The following NSD3 variants were observed in gnomAD, a reference collection of about 807,000 sequenced individuals.
NSD3 encodes histone-lysine N-methyltransferase NSD3.
A neutral mutation model predicts 160.8 loss-of-function variants in NSD3; 24 were observed. The ratio of observed to expected loss-of-function variants is 0.15; its 90% CI spans 0.11 to 0.21. NSD3 has a LOEUF of 0.21. Ranked by LOEUF, NSD3 falls within the 10% of genes least tolerant of loss-of-function variation. The probability of loss-of-function intolerance (pLI) is 1.00; values close to 1 mark genes in which losing one functional copy is unlikely to be tolerated. For missense variants in NSD3, 1,157 were observed against 1,735.9 expected (o/e 0.67, Z 5.93); for synonymous variants, 520 against 600.0 (o/e 0.87, Z 1.95).
At chr8:38,315,886 T>C (rs1339076549) in intron 10 of NSD3, 26 bp downstream of exon 10, 11 of 1,596,580 alleles carry the variant, frequency 6.9e-6, no homozygotes, top group Non-Finnish European at 7.7e-6. Context: ...AAAGAACACT[T>C]TGTCCAGACC....
intron 21 of NSD3, 139 bp from the exon 22 acceptor site, chr8:38,278,551 A>AT (rs1217238425): frequency 1.6e-6 from 1 of 639,344 alleles, no homozygotes; most frequent in Non-Finnish European, 2.6e-6. Context: ...TACCTCATTG[A>AT]TAACAGTGAT....
chr8:38,365,798 A>G (rs1188692245), intron 1 of NSD3, among the ~76,000 whole-genome samples: 3 of 152,074 alleles, frequency 2.0e-5, no homozygotes, highest in Non-Finnish European at 4.4e-5. Context: ...AGTCATATAG[A>G]GAGGCTGGAA....
Position 38,304,701 on chromosome 8 carries a change from T to C in NSD3, c.2497A>G (p.Ile833Val), listed in dbSNP as rs1809353856. ...GATACTAACATGCTTCCGGCCGCAA[T>C]GCAAGCATCTCCAGAGTGATAGGCA... ...PVAYHSGDAC[I>V]AAGSMLVSSY... Residue 833 changes from isoleucine (I) to valine (V), a missense_variant, in exon 14 of 24, where the codon ATT becomes GTT. Around this residue, in one of 10 missense-constraint regions of NSD3, gnomAD observed 437 missense variants for 576.6 expected, o/e 0.76. Coordinates refer to ENST00000317025, the MANE Select transcript of NSD3 (RefSeq NM_023034.2). 3 of 1,614,068 alleles carry C rather than the reference T, an allele frequency of 1.9e-6. No individual in the cohort carries two copies. Among genetic ancestry groups the C allele is most frequent in the Non-Finnish European group, 1.7e-6 (2 of 1,180,004 alleles).
At chr8:38,366,418 C>CTTTTTTTTT (rs374656504) in intron 1 of NSD3, among the ~76,000 whole-genome samples, 1,884 of 131,950 alleles carry the variant, frequency 0.014, 70 homozygotes, top group African/African-American at 0.035. Flanking sequence ...CTACTTAATT[C>CTTTTTTTTT]TTTTTTTTTT....
chr8:38,312,606 C>T (rs570809698), intron 12 of NSD3, among the ~76,000 whole-genome samples: 162 of 152,212 alleles, frequency 1.1e-3, no homozygotes, highest in Non-Finnish European at 2.0e-3. Flanking sequence ...TTGGTGCTGT[C>T]TTTGCGACAG....
chr8:38,287,302 G>A (rs1265583747), intron 19 of NSD3, among the ~76,000 whole-genome samples: 1 of 152,046 alleles, frequency 6.6e-6, no homozygotes, highest in Non-Finnish European at 1.5e-5. Context: ...GGTTAAATAT[G>A]GTACATTTTA....
intron 3 of NSD3, among the ~76,000 whole-genome samples, chr8:38,338,268 C>A (rs1810272586): frequency 6.6e-6 from 1 of 150,672 alleles, no homozygotes; most frequent in African/African-American, 2.5e-5. Context: ...CCACTGCACT[C>A]CAGCCTGGGC....
chr8:38,283,698 G>A (rs1465752316), intron 19 of NSD3, among the ~76,000 whole-genome samples: 1 of 152,190 alleles, frequency 6.6e-6, no homozygotes, highest in East Asian at 1.9e-4. Context: ...GCACCGGTCT[G>A]CTTCACGGAG....
At chr8:38,365,692 C>T (rs949422105) in intron 1 of NSD3, among the ~76,000 whole-genome samples, 6 of 152,000 alleles carry the variant, frequency 3.9e-5, no homozygotes, top group Non-Finnish European at 8.8e-5. Context: ...AGGCTGGTCT[C>T]GAACTCCTGA....
chr8:38,302,164 A>G (rs887815939), intron 14 of NSD3, among the ~76,000 whole-genome samples: 3 of 152,230 alleles, frequency 2.0e-5, no homozygotes, highest in Non-Finnish European at 2.9e-5. Context: ...CTAAGAGAAA[A>G]TCTATGTGGA....
intron 1 of NSD3, among the ~76,000 whole-genome samples, chr8:38,356,709 T>C (rs984831428): frequency 3.9e-5 from 6 of 152,212 alleles, no homozygotes; most frequent in Non-Finnish European, 5.9e-5. Flanking sequence ...TTCTGTGGAA[T>C]GTATTGCTAG....
At chr8:38,312,411 C>T (rs935962379) in intron 12 of NSD3, among the ~76,000 whole-genome samples, 1 of 152,100 alleles carries the variant, frequency 6.6e-6, no homozygotes, top group Non-Finnish European at 1.5e-5. Context: ...AGGAGAGAAG[C>T]CCTAAGAGTG....
At position 38,290,646 on chromosome 8, in the gene NSD3, A is replaced by G; in HGVS notation, c.2947T>C (p.Ser983Pro). 6.2e-7 allele frequency: 1 copy of G among 1,613,932 alleles called. No homozygotes were observed. The highest frequency in any genetic ancestry group is 8.5e-7 in the Non-Finnish European group (1 of 1,179,874). Residue 983 changes from serine (S) to proline (P), a missense_variant, in exon 17 of 24, where the codon TCT (serine) becomes CCT (proline). Physicochemically the swap from Ser to Pro is moderately conservative, Grantham distance 74. Coordinates refer to ENST00000317025, the MANE Select transcript of NSD3 (RefSeq NM_023034.2). ...WWPAEICNPR[S>P]VPLNIQGLKH... ...AGGCCCTGGATGTTCAGTGGCACAGACCTGGGGTTGCAGATCTCTGCTGGC... is the reference window on the plus strand; with the variant it reads ...AGGCCCTGGATGTTCAGTGGCACAGGCCTGGGGTTGCAGATCTCTGCTGGC...
chr8:38,342,550 T>C (rs1810400200), intron 2 of NSD3, among the ~76,000 whole-genome samples: 1 of 151,926 alleles, frequency 6.6e-6, no homozygotes, highest in Non-Finnish European at 1.5e-5. Flanking sequence ...ATCCTAAATA[T>C]TCCTTTACAA....
At chr8:38,340,698 A>T (rs774082725) in intron 2 of NSD3, among the ~76,000 whole-genome samples, 11 of 152,006 alleles carry the variant, frequency 7.2e-5, no homozygotes, top group South Asian at 2.1e-4. Context: ...AATGTCCCCA[A>T]ACCCAAGTAT....
At chr8:38,299,208 G>A (rs1317916380) in intron 15 of NSD3, among the ~76,000 whole-genome samples, 1 of 152,086 alleles carries the variant, frequency 6.6e-6, no homozygotes, top group African/African-American at 2.4e-5. Context: ...TTATAAATAT[G>A]GAATGTGTAA....
intron 4 of NSD3, among the ~76,000 whole-genome samples, chr8:38,334,062 T>G (rs1489866193): frequency 6.6e-6 from 1 of 152,228 alleles, no homozygotes; most frequent in African/African-American, 2.4e-5. Flanking sequence ...CAGCATAAAA[T>G]GCTTAATAGG....
intron 19 of NSD3, among the ~76,000 whole-genome samples, chr8:38,281,942 G>A (rs939882446): frequency 6.6e-6 from 1 of 152,198 alleles, no homozygotes; most frequent in African/African-American, 2.4e-5. Context: ...AGACCTGGAA[G>A]AGATCTGAAT....
At chr8:38,309,073 C>A (rs926578598) in intron 12 of NSD3, among the ~76,000 whole-genome samples, 1 of 151,328 alleles carries the variant, frequency 6.6e-6, no homozygotes, top group Non-Finnish European at 1.5e-5. Context: ...CTTTGGGAGG[C>A]CAAGGTGGGT....
Sources: allele counts gnomAD v4.1 joint callset (sites outside exome capture counted in the v4.1 genomes callset), GRCh38; gene constraint gnomAD v4.1.1; regional missense constraint gnomAD v4.1.1; transcripts MANE v1.5; gene names NCBI Gene and HGNC (gene_info 2026-07-23, HGNC 2026-07-21).